Variants in PTPRM observed in about 807,000 individuals in gnomAD.
PTPRM encodes the protein receptor-type tyrosine-protein phosphatase mu.
Under a neutral mutation model 186.7 loss-of-function variants are expected in PTPRM, and 47 were observed. That is an observed-to-expected ratio of 0.25 (90% CI 0.20 to 0.32). The LOEUF (loss-of-function observed/expected upper bound fraction) is 0.32, where lower values mean the gene tolerates loss of function less well. Ranked by LOEUF, PTPRM falls within the 10% of genes least tolerant of loss-of-function variation. PTPRM has a pLI of 1.00. For missense variants in PTPRM, 1,494 were observed against 1,865.0 expected, an observed-to-expected ratio of 0.80 and a Z score of 3.66; for synonymous variants, 668 against 674.9, an observed-to-expected ratio of 0.99 and a Z score of 0.16.
chr18:8,387,462 C>T (rs1423247232), intron 31 of PTPRM, among the ~76,000 whole-genome samples: 2 of 149,630 alleles, frequency 1.3e-5, no homozygotes, highest in South Asian at 2.1e-4. Flanking sequence ...AAGCACTGAC[C>T]GTTTCATTAG....
chr18:8,196,345 T>A (rs1296799007), intron 14 of PTPRM, among the ~76,000 whole-genome samples: 1 of 152,226 alleles, frequency 6.6e-6, no homozygotes, highest in Admixed American at 6.5e-5. Flanking sequence ...GGTGAAGTCC[T>A]ATACCTCTGT....
intron 13 of PTPRM, among the ~76,000 whole-genome samples, chr18:8,120,576 A>G (rs1289346822): frequency 2.0e-5 from 3 of 148,584 alleles, no homozygotes; most frequent in Admixed American, 6.7e-5. Context: ...CACTATTGCA[A>G]CCTCTGCCTC....
intron 1 of PTPRM, among the ~76,000 whole-genome samples, chr18:7,726,517 T>C: frequency 6.6e-6 from 1 of 152,210 alleles, no homozygotes; most frequent in Non-Finnish European, 1.5e-5. Flanking sequence ...ACACTTCTGG[T>C]ACCCAGAAGT....
chr18:7,949,048 G>T, intron 5 of PTPRM, 133 bp from the exon 6 acceptor site: 2 of 785,760 alleles, frequency 2.5e-6, no homozygotes, highest in Non-Finnish European at 3.9e-6. Flanking sequence ...TGGTACAACT[G>T]CCCATGGGTA....
chr18:7,760,762 A>G (rs1385002932), intron 1 of PTPRM, among the ~76,000 whole-genome samples: 4 of 152,220 alleles, frequency 2.6e-5, no homozygotes, highest in Admixed American at 2.0e-4. Flanking sequence ...ATAACATTCT[A>G]GAAGGTAGAT....
At chr18:7,806,321 AATT>A (rs1391470397) in intron 2 of PTPRM, among the ~76,000 whole-genome samples, 4 of 152,188 alleles carry the variant, frequency 2.6e-5, no homozygotes, top group African/African-American at 9.7e-5. Context: ...AAGGATTCTG[AATT>A]ATTATGAGCT....
At chr18:8,288,991 G>A (rs2094990779) in intron 19 of PTPRM, among the ~76,000 whole-genome samples, 1 of 151,996 alleles carries the variant, frequency 6.6e-6, no homozygotes, top group Admixed American at 6.6e-5. Flanking sequence ...CCATGGCCAG[G>A]GTGACTTCAG....
intron 7 of PTPRM, among the ~76,000 whole-genome samples, chr18:8,034,984 T>C (rs377638266): frequency 7.2e-5 from 11 of 152,320 alleles, no homozygotes; most frequent in African/African-American, 2.4e-4. Context: ...TGGCTTCTGC[T>C]GACATGGCTG....
intron 1 of PTPRM, among the ~76,000 whole-genome samples, chr18:7,607,387 G>A (rs1245318313): frequency 1.1e-4 from 17 of 152,082 alleles, no homozygotes; most frequent in African/African-American, 4.1e-4. Context: ...GGGGTGTGCC[G>A]AGTTGTCTCT....
At chr18:7,855,882 G>A (rs915101581) in intron 2 of PTPRM, among the ~76,000 whole-genome samples, 1 of 152,180 alleles carries the variant, frequency 6.6e-6, no homozygotes, top group Non-Finnish European at 1.5e-5. Context: ...TGTCAGGAAT[G>A]TGGCTGAAAA....
At chr18:7,777,448 T>G (rs2042642623) in intron 2 of PTPRM, among the ~76,000 whole-genome samples, 2 of 152,236 alleles carry the variant, frequency 1.3e-5, no homozygotes, top group Non-Finnish European at 2.9e-5. Flanking sequence ...TGTCAGTGGT[T>G]GGTTTCAAGC....
At chr18:8,307,836 G>GTA (rs2095238269) in intron 20 of PTPRM, among the ~76,000 whole-genome samples, 1 of 151,642 alleles carries the variant, frequency 6.6e-6, no homozygotes, top group Admixed American at 6.6e-5. Context: ...AAAAAAGAAA[G>GTA]CTATAGAGTC....
intron 5 of PTPRM, among the ~76,000 whole-genome samples, chr18:7,948,693 C>G (rs967290270): frequency 1.3e-5 from 2 of 152,090 alleles, no homozygotes; most frequent in African/African-American, 2.4e-5. Flanking sequence ...TTCTTTTAGT[C>G]CTGTTCAATA....
intron 32 of PTPRM, 52 bp from the exon 33 acceptor site, chr18:8,406,057 G>C (rs1288046120): frequency 4.6e-6 from 7 of 1,527,002 alleles, no homozygotes; most frequent in African/African-American, 1.4e-5. Flanking sequence ...TGCTTTACTA[G>C]GAACAGCGTT....
intron 1 of PTPRM, among the ~76,000 whole-genome samples, chr18:7,574,121 G>C (rs551124395): frequency 8.5e-5 from 13 of 152,286 alleles, no homozygotes; most frequent in African/African-American, 2.2e-4. Flanking sequence ...CCCTTGACAA[G>C]AGCTGAAAGA....
chr18:8,394,669 C>T (rs1310142001), intron 32 of PTPRM, 58 bp downstream of exon 32: 2 of 1,463,272 alleles, frequency 1.4e-6, no homozygotes, highest in East Asian at 2.6e-5. Flanking sequence ...AGAATCCACT[C>T]CAGCTCCCAG....
intron 6 of PTPRM, among the ~76,000 whole-genome samples, chr18:7,952,094 T>A (rs151049383): frequency 6.6e-6 from 1 of 152,224 alleles, no homozygotes; most frequent in African/African-American, 2.4e-5. Context: ...TATGCATATA[T>A]ATATCAATAC....
intron 14 of PTPRM, among the ~76,000 whole-genome samples, chr18:8,237,822 A>T (rs2094364056): frequency 6.6e-6 from 1 of 152,126 alleles, no homozygotes; most frequent in African/African-American, 2.4e-5. Context: ...AGGACACAGA[A>T]TTCTAGGTTG....
At chr18:8,303,323 G>T (rs1290254187) in intron 20 of PTPRM, among the ~76,000 whole-genome samples, 2 of 152,120 alleles carry the variant, frequency 1.3e-5, no homozygotes, top group African/African-American at 4.8e-5. Context: ...TAACAACGAG[G>T]TGTGACTAAT....
Sources: allele counts gnomAD v4.1 joint callset (sites outside exome capture counted in the v4.1 genomes callset), GRCh38; gene constraint gnomAD v4.1.1; transcripts MANE v1.5; gene names NCBI Gene and HGNC (gene_info 2026-07-23, HGNC 2026-07-21).